CDH2: variants seen among roughly 807,000 people sequenced by gnomAD.
CDH2 encodes the protein cadherin-2.
A neutral mutation model predicts 92.0 loss-of-function variants in CDH2; 17 were observed. The observed-to-expected ratio is 0.18, with a 90% confidence interval of 0.13 to 0.28. CDH2 has a LOEUF of 0.28. Among genes scored for constraint, CDH2 ranks in the 10% least tolerant of loss-of-function variants. CDH2 has a pLI of 1.00. For missense variants in CDH2, 862 were observed against 1,133.1 expected (o/e 0.76, Z 3.44); for synonymous variants, 419 against 415.9 (o/e 1.01, Z -0.09).
chr18:28,172,962 C>T (rs939132466), intron 1 of CDH2, among the ~76,000 whole-genome samples: 3 of 151,984 alleles, frequency 2.0e-5, no homozygotes, highest in African/African-American at 7.2e-5. Context: ...TGACATTTCC[C>T]TATTAATAAC....
chr18:28,166,980 GAT>G (rs1299692184), intron 1 of CDH2, among the ~76,000 whole-genome samples: 1 of 152,032 alleles, frequency 6.6e-6, no homozygotes, highest in African/African-American at 2.4e-5. Context: ...ATGGTACCCG[GAT>G]ACACACAGTG....
chr18:28,130,158 C>T (rs1460735610), intron 2 of CDH2, among the ~76,000 whole-genome samples: 1 of 152,146 alleles, frequency 6.6e-6, no homozygotes, highest in Admixed American at 6.5e-5. Flanking sequence ...AAATATTAGT[C>T]AGAAGCATCG....
chr18:28,031,735 C>T (rs17493877), intron 2 of CDH2, among the ~76,000 whole-genome samples: 160 of 152,102 alleles, frequency 1.1e-3, no homozygotes, highest in African/African-American at 3.0e-3. Flanking sequence ...AGGCAGGAGA[C>T]GAAATCCATG....
chr18:28,046,339 G>A (rs694943), intron 2 of CDH2, among the ~76,000 whole-genome samples: 81,716 of 151,878 alleles, frequency 0.54, 22,743 homozygotes, highest in African/African-American at 0.69. Flanking sequence ...TGGAGGATAA[G>A]AATATATTGG....
chr18:27,940,005 A>C (rs1456718263), intron 6 of CDH2, among the ~76,000 whole-genome samples: 2 of 152,180 alleles, frequency 1.3e-5, no homozygotes, highest in Admixed American at 1.3e-4. Flanking sequence ...ACCACCCTGA[A>C]GGACCAATAT....
At chr18:28,007,398 G>T in intron 5 of CDH2, among the ~76,000 whole-genome samples, 2 of 149,960 alleles carry the variant, frequency 1.3e-5, no homozygotes, top group African/African-American at 4.9e-5. Flanking sequence ...GTTTCTTTTG[G>T]ACTGGAATGC....
intron 2 of CDH2, among the ~76,000 whole-genome samples, chr18:28,060,458 A>G (rs1227986637): frequency 6.6e-6 from 1 of 152,180 alleles, no homozygotes; most frequent in Non-Finnish European, 1.5e-5. Context: ...AAGTCCTGAG[A>G]TTACAGGCAT....
At chr18:28,111,454 A>G (rs1228204708) in intron 2 of CDH2, among the ~76,000 whole-genome samples, 1 of 152,228 alleles carries the variant, frequency 6.6e-6, no homozygotes, top group Non-Finnish European at 1.5e-5. Context: ...ATCAAAGAAA[A>G]AGAAGGAAAG....
intron 2 of CDH2, among the ~76,000 whole-genome samples, chr18:28,021,048 T>G (rs1282461917): frequency 6.6e-6 from 1 of 151,932 alleles, no homozygotes; most frequent in Non-Finnish European, 1.5e-5. Context: ...AATGGATGGT[T>G]GTCTCGTTGT....
chr18:27,981,380 G>A (rs1446094772), intron 14 of CDH2, among the ~76,000 whole-genome samples: 1 of 152,150 alleles, frequency 6.6e-6, no homozygotes, highest in East Asian at 1.9e-4. Context: ...ACATTTATAA[G>A]CAAAACACCC....
chr18:28,167,061 T>C (rs528841403), intron 1 of CDH2, among the ~76,000 whole-genome samples: 2 of 152,228 alleles, frequency 1.3e-5, no homozygotes, highest in East Asian at 3.9e-4. Context: ...AAAGCCTTGT[T>C]GAAAACTGGG....
chr18:28,005,958 T>A lies in CDH2; in HGVS notation c.738A>T (p.Gln246His), dbSNP rs1245403455. The A allele has an allele frequency of 2.5e-6, 4 of 1,612,796 alleles. No individual in the cohort carries two copies. The highest frequency in any genetic ancestry group is 3.4e-6 in the Non-Finnish European group (4 of 1,178,954). Reference protein sequence around the residue: ...RAHAVDINGNQVENPIDIVIN... With the variant: ...RAHAVDINGNHVENPIDIVIN... ...TGACAATGTCAATGGGGTTCTCCAC[T>A]TGATTTCCATTAATATCTACTGCAT... Residue 246 changes from glutamine (Q) to histidine (H), a missense_variant, in exon 6 of 16, where the codon CAA (glutamine) becomes CAT (histidine). By Grantham distance (24) the Gln-to-His change is conservative (BLOSUM62 0). This residue lies in a region of CDH2 where 564 missense variants were observed against 722.2 expected (regional missense o/e 0.78). Transcript: ENST00000269141.
At position 28,050,638 on chromosome 18, in the gene CDH2, T is replaced by C. The variant is rs530384261; in HGVS notation, c.173-36729A>G. On this transcript the variant is annotated intron_variant, in intron 2 of 15. Transcript: ENST00000269141. ...TAAGATTTTTTTCTATTTAAAAATGTTTAAAGGGGAAACCAGCAGGCTGCA... is the reference window on the plus strand; with the variant it reads ...TAAGATTTTTTTCTATTTAAAAATGCTTAAAGGGGAAACCAGCAGGCTGCA... 1.1e-4 allele frequency among the ~76,000 whole-genome samples: 16 copies of C among 152,214 alleles called. No individual in the cohort carries two copies. The South Asian group carries it at 3.1e-3, about 30-fold the overall frequency.
downstream of CDH2, among the ~76,000 whole-genome samples, chr18:27,947,857 G>A (rs1308608911): frequency 1.3e-5 from 2 of 151,844 alleles, no homozygotes; most frequent in African/African-American, 4.8e-5. Flanking sequence ...GGTAAAGAAT[G>A]CATTCCACAT....
chr18:27,990,426 C>T (rs2143969258), intron 9 of CDH2, 76 bp from the exon 10 acceptor site: 2 of 1,384,272 alleles, frequency 1.4e-6, no homozygotes, highest in African/African-American at 1.4e-5. Flanking sequence ...CCTCTATCAA[C>T]TCCATTTCCA....
chr18:28,140,153 T>A (rs2144313811), intron 2 of CDH2, among the ~76,000 whole-genome samples: 1 of 152,098 alleles, frequency 6.6e-6, no homozygotes, highest in East Asian at 1.9e-4. Context: ...TACACAACAA[T>A]TTTAAAAATA....
chr18:28,091,856 C>T (rs1435865945), intron 2 of CDH2, among the ~76,000 whole-genome samples: 7 of 152,092 alleles, frequency 4.6e-5, no homozygotes, highest in African/African-American at 1.7e-4. Flanking sequence ...GCTGCCATTA[C>T]AGACTGCCTG....
chr18:27,985,495 G>T, intron 12 of CDH2, 33 bp downstream of exon 12: 2 of 1,385,182 alleles, frequency 1.4e-6, no homozygotes, highest in Non-Finnish European at 2.0e-6. Context: ...TCTCTCAACT[G>T]CACATATATT....
At chr18:28,115,457 A>T (rs148536950) in intron 2 of CDH2, among the ~76,000 whole-genome samples, 50 of 152,094 alleles carry the variant, frequency 3.3e-4, no homozygotes, top group Admixed American at 5.9e-4. Context: ...AAACCAGTCA[A>T]CCCTAAGGAT....
Sources: allele counts gnomAD v4.1 joint callset (sites outside exome capture counted in the v4.1 genomes callset), GRCh38; gene constraint gnomAD v4.1.1; regional missense constraint gnomAD v4.1.1; transcripts MANE v1.5; gene names NCBI Gene and HGNC (gene_info 2026-07-23, HGNC 2026-07-21).